Variants in AGBL4 observed in about 807,000 individuals in gnomAD.
The protein encoded by AGBL4 is cytosolic carboxypeptidase 6.
AGBL4 carries 58 observed loss-of-function variants against 66.4 expected under a neutral mutation model. The observed-to-expected ratio is 0.87, with a 90% CI of 0.71 to 1.09. AGBL4 has a LOEUF of 1.09. Among genes scored for constraint, AGBL4 ranks in the 50% least tolerant of loss-of-function variants. The pLI is 0.00. For missense variants in AGBL4, 579 were observed against 631.0 expected (o/e 0.92, Z 0.88); for synonymous variants, 234 against 222.9 (o/e 1.05, Z -0.44).
At chr1:48,924,279 T>C (rs1571011318) in intron 5 of AGBL4, among the ~76,000 whole-genome samples, 1 of 148,488 alleles carries the variant, frequency 6.7e-6, no homozygotes, top group Non-Finnish European at 1.5e-5. Flanking sequence ...GAATCTAAAA[T>C]ATAAATAAAT....
chr1:49,023,220 G>A (rs1339792760), intron 5 of AGBL4, among the ~76,000 whole-genome samples: 1 of 152,110 alleles, frequency 6.6e-6, no homozygotes, highest in Non-Finnish European at 1.5e-5. Flanking sequence ...TCTACCTTGA[G>A]GCCTGGAGGC....
intron 4 of AGBL4, among the ~76,000 whole-genome samples, chr1:49,074,656 G>A (rs1483769440): frequency 1.3e-5 from 2 of 151,996 alleles, no homozygotes; most frequent in African/African-American, 4.8e-5. Flanking sequence ...AGAGATAGAG[G>A]GGAGTTCAGT....
At chr1:49,262,164 A>G (rs1201653733) in intron 3 of AGBL4, among the ~76,000 whole-genome samples, 1 of 152,160 alleles carries the variant, frequency 6.6e-6, no homozygotes, top group African/African-American at 2.4e-5. Flanking sequence ...TCAATTCAAG[A>G]TGGATTAAAG....
intron 3 of AGBL4, among the ~76,000 whole-genome samples, chr1:49,403,126 G>C (rs1348036156): frequency 1.3e-5 from 2 of 152,070 alleles, no homozygotes; most frequent in African/African-American, 2.4e-5. Flanking sequence ...TCTTTCTTTA[G>C]CTATAATAGT....
At chr1:49,931,169 A>C (rs1475870560) in intron 1 of AGBL4, among the ~76,000 whole-genome samples, 1 of 152,212 alleles carries the variant, frequency 6.6e-6, no homozygotes, top group East Asian at 1.9e-4. Context: ...TATAAATATG[A>C]AATACTTAAA....
At chr1:49,540,281 A>C (rs544344164) in intron 3 of AGBL4, among the ~76,000 whole-genome samples, 1 of 152,204 alleles carries the variant, frequency 6.6e-6, no homozygotes, top group African/African-American at 2.4e-5. Context: ...TTCTTCCATG[A>C]CTTTGTATAT....
intron 2 of AGBL4, among the ~76,000 whole-genome samples, chr1:49,793,184 C>T (rs1414684273): frequency 6.6e-6 from 1 of 151,936 alleles, no homozygotes; most frequent in Admixed American, 6.6e-5. Context: ...AGAACTTTGT[C>T]AGTTTTTGGT....
chr1:49,181,227 C>T (rs1216994165), intron 4 of AGBL4, among the ~76,000 whole-genome samples: 27 of 152,186 alleles, frequency 1.8e-4, no homozygotes, highest in Admixed American at 1.6e-3. Flanking sequence ...TTCCTACCTC[C>T]GCAGCCTTGT....
chr1:49,774,539 G>A (rs780358340), intron 2 of AGBL4, among the ~76,000 whole-genome samples: 12 of 152,340 alleles, frequency 7.9e-5, no homozygotes, highest in Middle Eastern at 3.4e-3. Flanking sequence ...TCTTGCTAAT[G>A]TCACTGCCTA....
chr1:50,011,483 A>G (rs1400939692), intron 1 of AGBL4, among the ~76,000 whole-genome samples: 2 of 152,216 alleles, frequency 1.3e-5, no homozygotes, highest in African/African-American at 4.8e-5. Context: ...GAGGTTCCTC[A>G]AGAAACTAAA....
intron 3 of AGBL4, among the ~76,000 whole-genome samples, chr1:49,257,035 TAC>T (rs1652565581): frequency 6.7e-6 from 1 of 150,330 alleles, no homozygotes; most frequent in Non-Finnish European, 1.5e-5. Context: ...TCAAAGTATG[TAC>T]AGTTTTTTTT....
intron 3 of AGBL4, among the ~76,000 whole-genome samples, chr1:49,253,800 T>A (rs1203636729): frequency 6.6e-6 from 1 of 151,454 alleles, no homozygotes; most frequent in Non-Finnish European, 1.5e-5. Context: ...CAGGAGCACA[T>A]CAAAAAGCTT....
chr1:49,926,043 C>T (rs575610858), intron 1 of AGBL4, among the ~76,000 whole-genome samples: 12 of 152,242 alleles, frequency 7.9e-5, no homozygotes, highest in African/African-American at 2.9e-4. Context: ...AGGTGGTAGC[C>T]AAGTGGTGGT....
intron 6 of AGBL4, among the ~76,000 whole-genome samples, chr1:48,860,413 T>C (rs1237991181): frequency 6.6e-6 from 1 of 152,200 alleles, no homozygotes; most frequent in Non-Finnish European, 1.5e-5. Flanking sequence ...CTGGGGCTAC[T>C]GGCTAGCTGA....
intron 4 of AGBL4, among the ~76,000 whole-genome samples, chr1:49,170,894 A>G (rs1481696839): frequency 6.6e-6 from 1 of 152,156 alleles, no homozygotes; most frequent in Non-Finnish European, 1.5e-5. Context: ...TCAGCTGGGT[A>G]GTTTGACAGC....
intron 3 of AGBL4, among the ~76,000 whole-genome samples, chr1:49,420,855 A>AAAGTCT (rs1645531117): frequency 6.6e-6 from 1 of 152,166 alleles, no homozygotes; most frequent in Non-Finnish European, 1.5e-5. Flanking sequence ...CCTGTGCTAG[A>AAAGTCT]TGCTGGGGAT....
At chr1:48,557,830 G>A (rs192730728) in intron 11 of AGBL4, among the ~76,000 whole-genome samples, 7 of 152,238 alleles carry the variant, frequency 4.6e-5, no homozygotes, top group African/African-American at 1.7e-4. Context: ...ACAAAGAAGC[G>A]CACAGCTCAG....
At chr1:48,759,795 G>C (rs1056503648) in intron 6 of AGBL4, among the ~76,000 whole-genome samples, 19 of 152,202 alleles carry the variant, frequency 1.2e-4, no homozygotes, top group Non-Finnish European at 7.3e-5. Flanking sequence ...CATCGACAAT[G>C]CTTTAGATGG....
intron 4 of AGBL4, among the ~76,000 whole-genome samples, chr1:49,126,004 A>G (rs1218226398): frequency 2.0e-5 from 3 of 152,188 alleles, no homozygotes; most frequent in Admixed American, 2.0e-4. Flanking sequence ...GGGAACTGAT[A>G]TTGAACAGTG....
Sources: allele counts gnomAD v4.1 joint callset (sites outside exome capture counted in the v4.1 genomes callset), GRCh38; gene constraint gnomAD v4.1.1; transcripts MANE v1.5; gene names NCBI Gene and HGNC (gene_info 2026-07-23, HGNC 2026-07-21).